OR51B5: variants seen among roughly 807,000 people sequenced by gnomAD.
OR51B5 encodes the protein olfactory receptor family 51 subfamily B member 5.
For synonymous variants in OR51B5, 186 were observed against 144.8 expected, an observed-to-expected ratio of 1.28 and a Z score of -2.04; for missense variants, 456 against 374.6, an observed-to-expected ratio of 1.22 and a Z score of -1.79.
At chr11:5,423,232 T>C (rs1850385518) in intron 1 of OR51B5, 2 of 1,427,420 alleles carry the variant, frequency 1.4e-6, no homozygotes, top group Non-Finnish European at 1.8e-6. Flanking sequence ...TAGGAAACTA[T>C]AAAATAAAAC....
intron 1 of OR51B5, among the ~76,000 whole-genome samples, chr11:5,442,540 A>T (rs986175892): frequency 6.6e-6 from 1 of 152,196 alleles, no homozygotes; most frequent in African/African-American, 2.4e-5. Flanking sequence ...TAAAGATGCG[A>T]TAACATTCTT....
chr11:5,505,486 T>C (rs962801670), intron 1 of OR51B5: 1 of 1,292,416 alleles, frequency 7.7e-7, no homozygotes, highest in South Asian at 1.3e-5. Flanking sequence ...AAACTGAAGC[T>C]GTATTTGTCC....
At chr11:5,415,068 A>T (rs972947983) in intron 1 of OR51B5, among the ~76,000 whole-genome samples, 3 of 152,192 alleles carry the variant, frequency 2.0e-5, no homozygotes, top group African/African-American at 7.2e-5. Context: ...AAATTATAAC[A>T]AACTATCTCT....
intron 1 of OR51B5, among the ~76,000 whole-genome samples, chr11:5,360,489 C>A (rs927021908): frequency 1.3e-5 from 2 of 150,782 alleles, no homozygotes; most frequent in African/African-American, 4.9e-5. Context: ...AGTCAGGAAA[C>A]AACAGGTGCT....
intron 1 of OR51B5, among the ~76,000 whole-genome samples, chr11:5,495,212 A>C (rs773456027): frequency 2.0e-5 from 3 of 152,222 alleles, no homozygotes; most frequent in Non-Finnish European, 4.4e-5. Flanking sequence ...AGAAATGCTG[A>C]AAACAGTTCT....
At chr11:5,366,674 G>A (rs12361333) in intron 1 of OR51B5, among the ~76,000 whole-genome samples, 40,459 of 150,518 alleles carry the variant, frequency 0.27, 5,673 homozygotes, top group African/African-American at 0.32. Flanking sequence ...AGGAAGAGAA[G>A]AAGAAGAAGA....
intron 1 of OR51B5, among the ~76,000 whole-genome samples, chr11:5,388,664 T>C (rs1349932829): frequency 2.0e-5 from 3 of 151,382 alleles, no homozygotes; most frequent in African/African-American, 7.3e-5. Context: ...GGTAGGGTCT[T>C]GAATGTCATT....
intron 1 of OR51B5, among the ~76,000 whole-genome samples, chr11:5,464,284 AG>A (rs1851099643): frequency 6.6e-6 from 1 of 152,216 alleles, no homozygotes; most frequent in African/African-American, 2.4e-5. Flanking sequence ...TAGAAAGTTA[AG>A]GTTGATAATT....
At chr11:5,427,497 T>A (rs182510170) in intron 1 of OR51B5, among the ~76,000 whole-genome samples, 1 of 152,354 alleles carries the variant, frequency 6.6e-6, no homozygotes, top group East Asian at 1.9e-4. Flanking sequence ...TTTAGCCTAA[T>A]ATAGATGCAG....
At chr11:5,401,168 G>A (rs1342182139) in intron 1 of OR51B5, among the ~76,000 whole-genome samples, 2 of 152,154 alleles carry the variant, frequency 1.3e-5, no homozygotes, top group Admixed American at 6.5e-5. Context: ...TCCTCCCCAG[G>A]AAAAGAACAT....
chr11:5,495,208 G>A (rs533152951), intron 1 of OR51B5, among the ~76,000 whole-genome samples: 32 of 152,232 alleles, frequency 2.1e-4, no homozygotes, highest in African/African-American at 7.5e-4. Context: ...TACAAGAAAT[G>A]CTGAAAACAG....
intron 1 of OR51B5, among the ~76,000 whole-genome samples, chr11:5,466,220 A>G (rs1453695172): frequency 6.6e-6 from 1 of 152,230 alleles, no homozygotes; most frequent in Non-Finnish European, 1.5e-5. Flanking sequence ...AATATATTTT[A>G]TTTCATAAAG....
At chr11:5,364,947 CAGAG>C (rs772772286) in intron 1 of OR51B5, among the ~76,000 whole-genome samples, 47 of 144,078 alleles carry the variant, frequency 3.3e-4, no homozygotes, top group African/African-American at 4.2e-4. Context: ...CAAGGAGAAG[CAGAG>C]AGAGAGGGAA....
At chr11:5,503,470 A>G (rs895781069) in intron 1 of OR51B5, among the ~76,000 whole-genome samples, 4 of 152,242 alleles carry the variant, frequency 2.6e-5, no homozygotes. Flanking sequence ...TTTTAAAAGG[A>G]AAGACTGCCT....
chr11:5,422,108 A>C, intron 1 of OR51B5: 1 of 990,766 alleles, frequency 1.0e-6, no homozygotes, highest in Non-Finnish European at 1.5e-6. Context: ...ATTTGTGTAG[A>C]ATTTGGATTA....
downstream of OR51B5, among the ~76,000 whole-genome samples, chr11:5,342,083 T>A (rs933767942): frequency 6.6e-6 from 1 of 152,186 alleles, no homozygotes; most frequent in African/African-American, 2.4e-5. Context: ...AAGATTATAT[T>A]CTTTTTTGCA....
intron 1 of OR51B5, chr11:5,390,526 G>C: frequency 1.5e-6 from 1 of 659,628 alleles, no homozygotes; most frequent in Non-Finnish European, 2.4e-6. Context: ...CTGGAGTTGT[G>C]GCTTTAAAAA....
intron 1 of OR51B5, among the ~76,000 whole-genome samples, chr11:5,451,623 T>C (rs1200469376): frequency 1.3e-5 from 2 of 152,238 alleles, no homozygotes; most frequent in African/African-American, 4.8e-5. Flanking sequence ...AAATGCTTCC[T>C]GGGGTGACAA....
Position 5,472,496 on chromosome 11 carries a change from C to T in OR51B5, n.84+33073G>A, listed in dbSNP as rs140908476. ...CAGCCCCACTGCCAGCCTCCACCCA[C>T]TCCCTGCTCTGAGCTCTATAAAGCT... On this transcript the variant is annotated intron_variant and non_coding_transcript_variant, in intron 1 of 4. Transcript: ENST00000415970. 5.8e-3 allele frequency among the ~76,000 whole-genome samples: 888 copies of T among 152,300 alleles called. 6 individuals carry two copies. Among genetic ancestry groups the T allele is most frequent in the South Asian group, 0.036 (175 of 4,822 alleles).
Sources: gnomAD v4.1 joint callset for allele counts (sites outside exome capture counted in the v4.1 genomes callset) on GRCh38, gnomAD v4.1.1 for gene constraint, MANE v1.5 for transcripts, NCBI Gene and HGNC (gene_info 2026-07-23, HGNC 2026-07-21) for gene names.